Variants in CNTNAP2 observed in about 807,000 individuals in gnomAD.
CNTNAP2 encodes contactin associated protein 2.
A neutral mutation model predicts 155.2 loss-of-function variants in CNTNAP2; 98 were observed. The ratio of observed to expected loss-of-function variants is 0.63; its 90% confidence interval spans 0.54 to 0.75. CNTNAP2 has a LOEUF of 0.75. Among genes scored for constraint, CNTNAP2 ranks in the 30% least tolerant of loss-of-function variants. The pLI is 0.00. For synonymous variants in CNTNAP2, 651 were observed against 631.2 expected (o/e 1.03, Z -0.47); for missense variants, 1,727 against 1,688.1 (o/e 1.02, Z -0.40).
At chr7:147,884,825 G>T (rs1019710641) in intron 13 of CNTNAP2, among the ~76,000 whole-genome samples, 1 of 152,166 alleles carries the variant, frequency 6.6e-6, no homozygotes, top group African/African-American at 2.4e-5. Flanking sequence ...CATCGAGAAA[G>T]GCTTTAGCAT....
chr7:147,303,320 T>C (rs1444133410), intron 9 of CNTNAP2, among the ~76,000 whole-genome samples: 1 of 152,240 alleles, frequency 6.6e-6, no homozygotes, highest in Non-Finnish European at 1.5e-5. Context: ...AGAGGACTTG[T>C]TGATTCAGTG....
At chr7:147,707,244 T>A (rs1439181944) in intron 13 of CNTNAP2, among the ~76,000 whole-genome samples, 1 of 152,238 alleles carries the variant, frequency 6.6e-6, no homozygotes. Flanking sequence ...AAACATTTCT[T>A]CTTCCGGGTT....
At chr7:148,282,292 G>T (rs59112800) in intron 21 of CNTNAP2, among the ~76,000 whole-genome samples, 21,999 of 152,146 alleles carry the variant, frequency 0.14, 2,055 homozygotes, top group African/African-American at 0.26. Flanking sequence ...ATAAGTGTAG[G>T]CTGGAAGAGG....
chr7:147,566,356 G>A (rs1424431770), intron 12 of CNTNAP2, among the ~76,000 whole-genome samples: 1 of 126,864 alleles, frequency 7.9e-6, no homozygotes, highest in Non-Finnish European at 1.7e-5. Flanking sequence ...GAAAGGAAGG[G>A]GGAGGGGGAA....
intron 9 of CNTNAP2, among the ~76,000 whole-genome samples, chr7:147,370,668 T>C (rs957194126): frequency 6.6e-6 from 1 of 152,156 alleles, no homozygotes; most frequent in Non-Finnish European, 1.5e-5. Context: ...ATACCCAATA[T>C]ATAGATACAT....
chr7:146,571,825 A>G (rs187300268), intron 1 of CNTNAP2, among the ~76,000 whole-genome samples: 16 of 150,984 alleles, frequency 1.1e-4, no homozygotes, highest in Admixed American at 2.0e-4. Context: ...TCCGACTCCC[A>G]GGTTCAAGTG....
intron 12 of CNTNAP2, among the ~76,000 whole-genome samples, chr7:147,604,159 G>A (rs36199285): frequency 0.21 from 32,008 of 150,820 alleles, 3,621 homozygotes; most frequent in East Asian, 0.34. Flanking sequence ...GGACATAGGC[G>A]TGGGCAAGGA....
At chr7:146,271,001 G>C (rs1019095775) in intron 1 of CNTNAP2, among the ~76,000 whole-genome samples, 1 of 152,152 alleles carries the variant, frequency 6.6e-6, no homozygotes, top group East Asian at 1.9e-4. Flanking sequence ...AAATAAAAAA[G>C]TTAGTTTGGA....
chr7:146,831,935 T>G (rs1226221404), intron 2 of CNTNAP2, among the ~76,000 whole-genome samples: 1 of 152,182 alleles, frequency 6.6e-6, no homozygotes, highest in African/African-American at 2.4e-5. Context: ...TGAACCTTAT[T>G]TATATAAGTA....
At chr7:146,397,131 T>C (rs966987366) in intron 1 of CNTNAP2, among the ~76,000 whole-genome samples, 1 of 152,340 alleles carries the variant, frequency 6.6e-6, no homozygotes, top group Admixed American at 6.5e-5. Context: ...AGAGGCTTTA[T>C]GCTATCTGAA....
At chr7:148,367,919 C>T (rs13229153) in intron 21 of CNTNAP2, among the ~76,000 whole-genome samples, 17 of 152,146 alleles carry the variant, frequency 1.1e-4, no homozygotes, top group Non-Finnish European at 1.6e-4. Flanking sequence ...AAAAGAGTCA[C>T]GGTAATGATA....
chr7:147,869,179 T>A (rs1158125484), intron 13 of CNTNAP2, among the ~76,000 whole-genome samples: 2 of 152,220 alleles, frequency 1.3e-5, no homozygotes, highest in Non-Finnish European at 2.9e-5. Context: ...TAGAAAAAGA[T>A]AAAACCTTTC....
At chr7:148,226,348 G>A (rs1278113935) in intron 19 of CNTNAP2, among the ~76,000 whole-genome samples, 2 of 152,018 alleles carry the variant, frequency 1.3e-5, no homozygotes, top group Non-Finnish European at 2.9e-5. Context: ...ACACGAGCAG[G>A]GCAGAAGAGG....
At chr7:147,170,190 T>C (rs548425873) in intron 8 of CNTNAP2, among the ~76,000 whole-genome samples, 3 of 152,268 alleles carry the variant, frequency 2.0e-5, no homozygotes, top group East Asian at 1.9e-4. Context: ...TGAATTCTTG[T>C]CCTTGGCTTC....
chr7:146,753,982 T>C (rs946431785), intron 1 of CNTNAP2, among the ~76,000 whole-genome samples: 2 of 152,052 alleles, frequency 1.3e-5, no homozygotes, highest in Non-Finnish European at 2.9e-5. Context: ...TCTACATCTA[T>C]TTTTTATTCT....
intron 8 of CNTNAP2, among the ~76,000 whole-genome samples, chr7:147,168,181 AATAC>A (rs1260036466): frequency 1.3e-5 from 2 of 150,094 alleles, no homozygotes; most frequent in Non-Finnish European, 3.0e-5. Context: ...TAGATATATA[AATAC>A]ATATATATTA....
chr7:147,798,464 G>A (rs765057589), intron 13 of CNTNAP2, among the ~76,000 whole-genome samples: 27 of 152,196 alleles, frequency 1.8e-4, no homozygotes, highest in Non-Finnish European at 4.4e-5. Flanking sequence ...GGGCTCTAGA[G>A]ATACAACTCA....
At chr7:147,046,870 A>C (rs1246419975) in intron 4 of CNTNAP2, among the ~76,000 whole-genome samples, 2 of 151,770 alleles carry the variant, frequency 1.3e-5, no homozygotes, top group African/African-American at 4.8e-5. Context: ...TCTACTAAAA[A>C]TACAAAACAA....
chr7:146,258,871 T>G (rs1165244592), intron 1 of CNTNAP2, among the ~76,000 whole-genome samples: 1 of 152,180 alleles, frequency 6.6e-6, no homozygotes, highest in Non-Finnish European at 1.5e-5. Context: ...AAATTACAAA[T>G]AAGCCATGTT....
Sources: allele counts gnomAD v4.1 joint callset (sites outside exome capture counted in the v4.1 genomes callset), GRCh38; gene constraint gnomAD v4.1.1; transcripts MANE v1.5; gene names NCBI Gene and HGNC (gene_info 2026-07-23, HGNC 2026-07-21).